The following SMAD2 variants were observed in gnomAD, a reference collection of about 807,000 sequenced individuals.
SMAD2 encodes SMAD family member 2, also known as MAD homolog 2.
Under a neutral mutation model 64.4 loss-of-function variants are expected in SMAD2, and 8 were observed. The ratio of observed to expected loss-of-function variants is 0.12; its 90% CI spans 0.07 to 0.22. The LOEUF (loss-of-function observed/expected upper bound fraction) is 0.22, where lower values mean the gene tolerates loss of function less well. Ranked by LOEUF, SMAD2 falls within the 10% of genes least tolerant of loss-of-function variation. SMAD2 has a pLI of 1.00. For synonymous variants in SMAD2, 203 were observed against 195.8 expected, an observed-to-expected ratio of 1.04 and a Z score of -0.31; for missense variants, 289 against 561.2, an observed-to-expected ratio of 0.51 and a Z score of 4.90.
intron 7 of SMAD2, among the ~76,000 whole-genome samples, chr18:47,850,208 T>A (rs1177572619): frequency 1.1e-5 from 1 of 87,960 alleles, no homozygotes; most frequent in Non-Finnish European, 2.0e-5. Context: ...ATATATATAT[T>A]ATTATATATA....
chr18:47,848,456 C>T lies in SMAD2; in HGVS notation c.997+19G>A, dbSNP rs776875320. On this transcript the variant is annotated intron_variant, in intron 8 of 10. Coordinates refer to ENST00000262160, the MANE Select transcript of SMAD2 (RefSeq NM_005901.6). ...AGTATACAGCATTTATTTTTCACAA[C>T]AAGGAAAATAAAACATACCTATATG... 1.4e-5 allele frequency: 22 copies of T among 1,561,958 alleles called. No individual in the cohort carries two copies. Among genetic ancestry groups the T allele is most frequent in the South Asian group, 2.2e-5 (2 of 90,020 alleles).
chr18:47,894,296 G>A (rs1415995558), intron 2 of SMAD2, among the ~76,000 whole-genome samples: 1 of 152,150 alleles, frequency 6.6e-6, no homozygotes, highest in African/African-American at 2.4e-5. Flanking sequence ...ATTCTTGACA[G>A]CCTCAAGGAG....
rs752838336 is a variant in SMAD2, at chr18:47,832,086, C to G, written c.*9741G>C. The G allele has an allele frequency of 2.0e-4, 30 of 152,156 alleles. No homozygotes were observed. The highest frequency in any genetic ancestry group is 4.1e-4 in the Non-Finnish European group (28 of 68,038). The allele number at this position is 152,156 out of a possible 1,614,324, so 9.4% of individuals were successfully genotyped here. A position where few individuals can be genotyped will look rare whatever the true frequency, so the allele number is the denominator to read the frequency against. ...GATGCCTGCTTCCTGCACTAAGAGG[C>G]TTTCAATCTATTTTGAAGAGGGAAA... is the stretch of plus-strand genomic sequence containing the variant. On this transcript the variant is annotated 3_prime_UTR_variant, in exon 11 of 11. Transcript: ENST00000262160.
chr18:47,901,572 T>A (rs2033684810), intron 1 of SMAD2, among the ~76,000 whole-genome samples: 1 of 100,066 alleles, frequency 1.0e-5, no homozygotes, highest in African/African-American at 3.6e-5. Flanking sequence ...TGTATTCATT[T>A]GTTACATTCT....
At chr18:47,866,106 G>T (rs1787195) in intron 5 of SMAD2, among the ~76,000 whole-genome samples, 86,417 of 151,690 alleles carry the variant, frequency 0.57, 24,978 homozygotes, top group East Asian at 0.81. Context: ...CACCTGAGGT[G>T]GGGAGTTCGA....
intron 1 of SMAD2, among the ~76,000 whole-genome samples, chr18:47,911,042 T>C (rs2034106431): frequency 6.6e-6 from 1 of 152,176 alleles, no homozygotes; most frequent in African/African-American, 2.4e-5. Flanking sequence ...GCCCTTGGTA[T>C]AATTTGCTAG....
At position 47,821,249 on chromosome 18, in the gene SMAD2, T is replaced by C. The variant is rs1259339280; in HGVS notation, c.*20578A>G. The C allele has an allele frequency of 2.0e-5, 3 of 152,220 alleles. No individual in the cohort carries two copies. Among genetic ancestry groups the C allele is most frequent in the Non-Finnish European group, 4.4e-5 (3 of 68,026 alleles). The allele number at this position is 152,220 out of a possible 1,614,324, so 9.4% of individuals were successfully genotyped here. A position where few individuals can be genotyped will look rare whatever the true frequency, so the allele number is the denominator to read the frequency against. ...ACCTTATTTGTAGGTCACACATCAT[T>C]GCCTTTAGCTCTTTCTCCCCTTAAG... On this transcript the variant is annotated 3_prime_UTR_variant, in exon 11 of 11. Coordinates refer to ENST00000262160, the MANE Select transcript of SMAD2 (RefSeq NM_005901.6).
At chr18:47,890,632 A>T (rs2033145792) in intron 2 of SMAD2, among the ~76,000 whole-genome samples, 1 of 152,216 alleles carries the variant, frequency 6.6e-6, no homozygotes, top group African/African-American at 2.4e-5. Context: ...AACAGTAAAA[A>T]AAGTACAGTC....
Position 47,825,176 on chromosome 18 carries a change from T to C in SMAD2, c.*16651A>G, listed in dbSNP as rs1912705784. The C allele has an allele frequency of 1.3e-5, 2 of 152,198 alleles. No individual in the cohort carries two copies. Among genetic ancestry groups the C allele is most frequent in the South Asian group, 4.1e-4 (2 of 4,830 alleles). The allele number at this position is 152,198 out of a possible 1,614,324, so 9.4% of individuals were successfully genotyped here. A position where few individuals can be genotyped will look rare whatever the true frequency, so the allele number is the denominator to read the frequency against. On this transcript the variant is annotated 3_prime_UTR_variant, in exon 11 of 11. Coordinates refer to ENST00000262160, the MANE Select transcript of SMAD2 (RefSeq NM_005901.6). Reference sequence around the variant, plus strand: ...TGGGGAAGGGAAGCCCATTTAAACATATATTCAAGGAAAAATATATTAAGT... The same window carrying C: ...TGGGGAAGGGAAGCCCATTTAAACACATATTCAAGGAAAAATATATTAAGT...
chr18:47,908,446 T>A (rs1678439184), intron 1 of SMAD2, among the ~76,000 whole-genome samples: 1 of 152,018 alleles, frequency 6.6e-6, no homozygotes, highest in South Asian at 2.1e-4. Context: ...AAAAAACTCA[T>A]AAACCAGGTA....
chr18:47,845,135 G>C (rs944254300), intron 10 of SMAD2: 9 of 648,724 alleles, frequency 1.4e-5, no homozygotes, highest in African/African-American at 1.8e-5. Context: ...ATGCACGCCT[G>C]TGCATGTTTT....
At position 47,825,046 on chromosome 18, in the gene SMAD2, T is replaced by A. The variant is rs528270985; in HGVS notation, c.*16781A>T. ...GGTTGTTGGAATCTGGGTGATTTTT[T>A]AAAGTCCCATCCACTGGGCTGCCAG... On this transcript the variant is annotated 3_prime_UTR_variant, in exon 11 of 11. Transcript: ENST00000262160. The A allele has an allele frequency of 1.3e-5, 2 of 152,336 alleles. No homozygotes were observed. The highest frequency in any genetic ancestry group is 2.4e-5 in the African/African-American group (1 of 41,574). 9.4% of individuals were successfully genotyped at this position (152,336 alleles called of 1,614,324 possible).
chr18:47,866,958 G>C (rs540817410), intron 5 of SMAD2: 1 of 152,312 alleles, frequency 6.6e-6, no homozygotes, highest in South Asian at 2.1e-4. Flanking sequence ...TACTGGATAT[G>C]CGTGTTGTCC....
Position 47,840,363 on chromosome 18 carries a change from C to T in SMAD2, c.*1464G>A, listed in dbSNP as rs1913826351. ...TAAACTGCAATGAGTCAACATCAGACATAATAATTATTTGCTGCAGAATGA... is the reference window on the plus strand; with the variant it reads ...TAAACTGCAATGAGTCAACATCAGATATAATAATTATTTGCTGCAGAATGA... On this transcript the variant is annotated 3_prime_UTR_variant, in exon 11 of 11. Transcript: ENST00000262160. 1 of 232,814 alleles carries T rather than the reference C, an allele frequency of 4.3e-6. No individual in the cohort carries two copies. The highest frequency in any genetic ancestry group is 8.5e-6 in the Non-Finnish European group (1 of 117,834). The allele number at this position is 232,814 out of a possible 1,614,324, so 14.4% of individuals were successfully genotyped here.
At chr18:47,892,197 CA>C (rs1269050620) in intron 2 of SMAD2, among the ~76,000 whole-genome samples, 5 of 116,730 alleles carry the variant, frequency 4.3e-5, no homozygotes, top group African/African-American at 1.5e-4. Context: ...ATTACCTAGA[CA>C]TTTTTTTTTT....
At chr18:47,910,174 A>AGG (rs2034070068) in intron 1 of SMAD2, among the ~76,000 whole-genome samples, 1 of 139,618 alleles carries the variant, frequency 7.2e-6, no homozygotes, top group Admixed American at 7.0e-5. Context: ...GGATATGGAA[A>AGG]AAAAAAAAAA....
chr18:47,910,020 G>A (rs1368829927), intron 1 of SMAD2, among the ~76,000 whole-genome samples: 1 of 152,118 alleles, frequency 6.6e-6, no homozygotes, highest in Non-Finnish European at 1.5e-5. Context: ...TTACGCCATG[G>A]AAGATGCCAT....
Position 47,841,641 on chromosome 18 carries a change from T to C in SMAD2, c.*186A>G, listed in dbSNP as rs1433718174. ...TTAATGGGAGAGTATTTCTAGACAC[T>C]AATTTTCCCATCTAATATTCAAATA... On this transcript the variant is annotated 3_prime_UTR_variant, in exon 11 of 11. Coordinates refer to ENST00000262160, the MANE Select transcript of SMAD2 (RefSeq NM_005901.6). The C allele has an allele frequency of 1.6e-6, 1 of 644,252 alleles. No homozygotes were observed. The highest frequency in any genetic ancestry group is 2.8e-6 in the Non-Finnish European group (1 of 363,462). 39.9% of individuals were successfully genotyped at this position (644,252 alleles called of 1,614,324 possible).
Position 47,838,171 on chromosome 18 carries a change from C to G in SMAD2, c.*3656G>C, listed in dbSNP as rs186325548. The G allele has an allele frequency of 3.0e-4, 70 of 232,270 alleles. No homozygotes were observed. Among genetic ancestry groups the G allele is most frequent in the African/African-American group, 1.5e-3 (67 of 45,238 alleles). 14.4% of individuals were successfully genotyped at this position (232,270 alleles called of 1,614,324 possible). ...TCTTAGTCTTAAATTGACAAGGGCA[C>G]AAAAAAAGTGAAATTAAAATAATTT... is the stretch of plus-strand genomic sequence containing the variant. On this transcript the variant is annotated 3_prime_UTR_variant, in exon 11 of 11. Transcript: ENST00000262160.
Sources: gnomAD v4.1 joint callset for allele counts (sites outside exome capture counted in the v4.1 genomes callset) on GRCh38, gnomAD v4.1.1 for gene constraint, MANE v1.5 for transcripts, NCBI Gene and HGNC (gene_info 2026-07-23, HGNC 2026-07-21) for gene names.